Variants in PLCG1 observed in about 807,000 individuals in gnomAD.
PLCG1 encodes phospholipase C gamma 1.
PLCG1 carries 71 observed loss-of-function variants against 177.8 expected under a neutral mutation model. That is an observed-to-expected ratio of 0.40 (90% CI 0.33 to 0.49). The LOEUF (loss-of-function observed/expected upper bound fraction) is 0.49. Among genes scored for constraint, PLCG1 ranks in the 20% least tolerant of loss-of-function variants. PLCG1 has a pLI of 0.72. For synonymous variants in PLCG1, 658 were observed against 647.9 expected (o/e 1.02, Z -0.24); for missense variants, 1,281 against 1,709.0 (o/e 0.75, Z 4.42).
intron 1 of PLCG1, 193 bp downstream of exon 1, chr20:41,138,051 A>T: frequency 2.6e-6 from 1 of 390,822 alleles, no homozygotes; most frequent in Non-Finnish European, 4.5e-6. Context: ...GTCCTCGGTC[A>T]CCTGACAGGA....
Position 41,172,972 on chromosome 20 carries a change from G to C in PLCG1, c.3279+95G>C. ...GTTCTCCAAAAGTAGGTATTTTCAG[G>C]CATCAAGGTGGTCAGGGTGGGTGGG... On this transcript the variant is annotated intron_variant, in intron 27 of 31. Transcript: ENST00000685551. This position sits in a 1 kb window ranked among gnomAD's most constrained non-coding sequence, Gnocchi z 7.0. The C allele has an allele frequency of 7.4e-7, 1 of 1,360,414 alleles. No individual in the cohort carries two copies. Among genetic ancestry groups the C allele is most frequent in the Admixed American group, 2.1e-5 (1 of 48,274 alleles). The allele number at this position is 1,360,414 out of a possible 1,614,324, so 84.3% of individuals were successfully genotyped here. A position where few individuals can be genotyped will look rare whatever the true frequency, so the allele number is the denominator to read the frequency against.
chr20:41,169,262 G>T (rs1006366996), intron 22 of PLCG1, 87 bp downstream of exon 22: 4 of 1,062,908 alleles, frequency 3.8e-6, no homozygotes, highest in Non-Finnish European at 5.8e-6. Flanking sequence ...AAGCACGCAC[G>T]TGCATGCACA....
chr20:41,170,055 T>G, intron 23 of PLCG1, 57 bp from the exon 24 acceptor site: 1 of 1,475,350 alleles, frequency 6.8e-7, no homozygotes, highest in African/African-American at 1.4e-5. Flanking sequence ...CGGTGTGGAG[T>G]GGGGTGGAGG....
At position 41,174,322 on chromosome 20, in the gene PLCG1, T is replaced by C; in HGVS notation, c.3833+11T>C. 1 of 1,612,066 alleles carries C rather than the reference T, an allele frequency of 6.2e-7. No homozygotes were observed. The highest frequency in any genetic ancestry group is 2.2e-5 in the East Asian group (1 of 44,830). ...CAGTCGAGAACGAAGGTGAGGAAGA[T>C]GGAGGGGTGCTAGAGCCAGGAAGGC... On this transcript the variant is annotated intron_variant, in intron 31 of 31. Transcript: ENST00000685551. This position sits in a 1 kb window ranked among gnomAD's most constrained non-coding sequence, Gnocchi z 5.8.
At position 41,146,496 on chromosome 20, in the gene PLCG1, G is replaced by A. The variant is rs542793529; in HGVS notation, c.217+8638G>A. ...GCGCAAGGCAGCAAGGCTTGGGTAC[G>A]GAGGAGAGTGGGTGGTCTTACTGAT... On this transcript the variant is annotated intron_variant, in intron 1 of 31. Transcript: ENST00000685551. This position sits in a 1 kb window ranked among gnomAD's most constrained non-coding sequence, Gnocchi z 6.3. Among the ~76,000 whole-genome samples, 3 of 152,348 alleles carry A rather than the reference G, an allele frequency of 2.0e-5. No homozygotes were observed. Among genetic ancestry groups the A allele is most frequent in the South Asian group, 2.1e-4 (1 of 4,830 alleles).
At position 41,167,893 on chromosome 20, in the gene PLCG1, C is replaced by T. The variant is rs1195829344; in HGVS notation, c.2343C>T (p.Gly781=). 6.2e-7 allele frequency: 1 copy of T among 1,613,896 alleles called. No homozygotes were observed. The highest frequency in any genetic ancestry group is 8.5e-7 in the Non-Finnish European group (1 of 1,179,858). ...CCCTGTATGAGGGACGCAACCCTGG[C>T]TTCTATGTAGAGGCAAACCCTATGC... ...YGALYEGRNP[G]FYVEANPMPT... Residue 781 remains glycine (G), a synonymous_variant, in exon 20 of 32, where the codon GGC becomes GGT. Transcript: ENST00000685551. This position sits in a 1 kb window ranked among gnomAD's most constrained non-coding sequence, Gnocchi z 4.4.
intron 1 of PLCG1, among the ~76,000 whole-genome samples, chr20:41,142,801 T>A (rs1056024783): frequency 2.0e-5 from 3 of 152,168 alleles, no homozygotes; most frequent in African/African-American, 7.2e-5. Flanking sequence ...ATAAAGTGCT[T>A]AGCACCTGTA....
In PLCG1 at chr20:41,162,881, T is replaced by C. The variant is rs2035558624; in HGVS notation, c.682-77T>C. 6.9e-6 allele frequency: 10 copies of C among 1,444,720 alleles called. No individual in the cohort carries two copies. The Admixed American group carries it at 1.7e-4, about 24-fold the overall frequency. 89.5% of individuals were successfully genotyped at this position (1,444,720 alleles called of 1,614,324 possible). A position where few individuals can be genotyped will look rare whatever the true frequency, so the allele number is the denominator to read the frequency against. The stretch of plus-strand genomic sequence containing the variant: ...TGAGGCCTGCCCCCATCTGCTGCTC[T>C]AGCCTGCCTTCTTACTAGCCCATTT... On this transcript the variant is annotated intron_variant, in intron 6 of 31. Transcript: ENST00000685551.
rs1012557767 is a variant in PLCG1, at chr20:41,177,298, G to C, written c.*2789G>C. The C allele has an allele frequency of 1.2e-4, 19 of 152,254 alleles. No individual in the cohort carries two copies. Among genetic ancestry groups the C allele is most frequent in the African/African-American group, 4.3e-4 (18 of 41,478 alleles). 9.4% of individuals were successfully genotyped at this position (152,254 alleles called of 1,614,324 possible). On this transcript the variant is annotated 3_prime_UTR_variant, in exon 32 of 32. Transcript: ENST00000685551. ...ATACAAAGTAGAGCCTACAAGGTCA[G>C]GGGCATTCTGCCCCCGCCACAGGAC...
In PLCG1 at chr20:41,173,828, T is replaced by G; in HGVS notation, c.3556+15T>G. ...CCTGAAGACAGGTGAGGACCATTCC[T>G]GGAGGCAGTGCCCCTGCAATCTTGC... On this transcript the variant is annotated intron_variant, in intron 29 of 31. Coordinates refer to ENST00000685551, the MANE Select transcript of PLCG1 (RefSeq NM_002660.3). The surrounding 1 kb of genome is among the most constrained non-coding windows in gnomAD (Gnocchi z 6.2). The G allele has an allele frequency of 6.2e-7, 1 of 1,612,290 alleles. No homozygotes were observed. Among genetic ancestry groups the G allele is most frequent in the Non-Finnish European group, 8.5e-7 (1 of 1,178,746 alleles).
chr20:41,168,514 G>C (rs979485894), intron 20 of PLCG1, among the ~76,000 whole-genome samples: 5 of 152,254 alleles, frequency 3.3e-5, no homozygotes, highest in African/African-American at 1.2e-4. Flanking sequence ...CCAGGGTGGG[G>C]CTTAAGGTTC....
Position 41,162,528 on chromosome 20 carries a change from C to T in PLCG1, c.589C>T (p.Arg197Trp), listed in dbSNP as rs370628843. Residue 197 changes from arginine (R) to tryptophan (W), a missense_variant, in exon 5 of 32, where the codon CGG becomes TGG. Physicochemically the swap from Arg to Trp is moderately radical, Grantham distance 101. Coordinates refer to ENST00000685551, the MANE Select transcript of PLCG1 (RefSeq NM_002660.3). ...CCCCAACATGCGCTTCCTCCGAGAG[C>T]GGCTGACGGTAAGTGCCACCCAGGG... Reference protein sequence around the residue: ...RVPNMRFLRERLTDLEQRSGD... With the variant: ...RVPNMRFLREWLTDLEQRSGD... 78 of 1,613,636 alleles carry T rather than the reference C, an allele frequency of 4.8e-5. No individual in the cohort carries two copies. Among genetic ancestry groups the T allele is most frequent in the Non-Finnish European group, 6.3e-5 (74 of 1,179,792 alleles).
rs1476191281 is a variant in PLCG1, at chr20:41,146,917, C to G, written c.217+9059C>G. ...CCCTAGGAAGGAGTGAAGGAGAGCT[C>G]CAGTTGGCCATAGGTCCCACAGGTT... On this transcript the variant is annotated intron_variant, in intron 1 of 31. Transcript: ENST00000685551. This position sits in a 1 kb window ranked among gnomAD's most constrained non-coding sequence, Gnocchi z 6.3. Among the ~76,000 whole-genome samples, 1 of 152,092 alleles carries G rather than the reference C, an allele frequency of 6.6e-6. No individual in the cohort carries two copies. The highest frequency in any genetic ancestry group is 1.9e-4 in the East Asian group (1 of 5,186).
In PLCG1 at chr20:41,160,456, G is replaced by A. The variant is rs1312393297; in HGVS notation, c.512+303G>A. Among the ~76,000 whole-genome samples, 1 of 152,208 alleles carries A rather than the reference G, an allele frequency of 6.6e-6. No homozygotes were observed. Among genetic ancestry groups the A allele is most frequent in the Non-Finnish European group, 1.5e-5 (1 of 68,032 alleles). On this transcript the variant is annotated intron_variant, in intron 4 of 31. Coordinates refer to ENST00000685551, the MANE Select transcript of PLCG1 (RefSeq NM_002660.3). This position sits in a 1 kb window ranked among gnomAD's most constrained non-coding sequence, Gnocchi z 5.5. ...GAGGGTGGCCAGTAGCGTGTGAAGG[G>A]TGCCCTGAAACTCTGGCTCTGAGAC... is the stretch of plus-strand genomic sequence containing the variant.
rs2035841029 is a variant in PLCG1, at chr20:41,170,026, T to G, written c.2651-86T>G. The G allele has an allele frequency of 3.3e-6, 4 of 1,222,850 alleles. No individual in the cohort carries two copies. In the South Asian group the frequency reaches 5.6e-5, roughly 17 times the overall value. 75.7% of individuals were successfully genotyped at this position (1,222,850 alleles called of 1,614,324 possible). On this transcript the variant is annotated intron_variant, in intron 23 of 31. Coordinates refer to ENST00000685551, the MANE Select transcript of PLCG1 (RefSeq NM_002660.3). ...AGGAGGAAATGGGATGAGATAGAAC[T>G]CATTTGAGCCAGTGCCTGCGGTGTG...
At chr20:41,170,441 T>C in intron 24 of PLCG1, 172 bp downstream of exon 24, 1 of 639,374 alleles carries the variant, frequency 1.6e-6, no homozygotes, top group Non-Finnish European at 2.7e-6. Flanking sequence ...ACACATAAGA[T>C]GCAATGTGGT....
rs2146044130 is a variant in PLCG1, at chr20:41,165,696, G to A, written c.1669G>A (p.Ala557Thr). Reference sequence around the variant, plus strand: ...GAAGTGGTTCCATGGGAAGCTAGGGGCAGGGCGTGACGGGCGTCACATCGC... The same window carrying A: ...GAAGTGGTTCCATGGGAAGCTAGGGACAGGGCGTGACGGGCGTCACATCGC... ...NEKWFHGKLGAGRDGRHIAER... is the reference protein window; with the variant it reads ...NEKWFHGKLGTGRDGRHIAER... The change falls in exon 16 of 32, where the codon GCA becomes ACA. Residue 557 changes from alanine (A) to threonine (T), a missense_variant. Ala to Thr is a moderately conservative substitution (Grantham distance 58). This residue lies in a region of PLCG1 where 723 missense variants were observed against 1,030.0 expected (regional missense o/e 0.70). Coordinates refer to ENST00000685551, the MANE Select transcript of PLCG1 (RefSeq NM_002660.3). The surrounding 1 kb of genome is among the most constrained non-coding windows in gnomAD (Gnocchi z 6.6). 2 of 1,613,992 alleles carry A rather than the reference G, an allele frequency of 1.2e-6. No individual in the cohort carries two copies. The highest frequency in any genetic ancestry group is 1.7e-6 in the Non-Finnish European group (2 of 1,179,948).
intron 1 of PLCG1, among the ~76,000 whole-genome samples, chr20:41,138,899 C>G (rs574323506): frequency 1.6e-4 from 25 of 152,252 alleles, no homozygotes; most frequent in Admixed American, 1.3e-3. Flanking sequence ...CCCTCCATTC[C>G]CCCGCCTCTC....
chr20:41,153,663 G>A lies in PLCG1; in HGVS notation c.218-5943G>A, dbSNP rs879710984. On this transcript the variant is annotated intron_variant, in intron 1 of 31. Coordinates refer to ENST00000685551, the MANE Select transcript of PLCG1 (RefSeq NM_002660.3). The surrounding 1 kb of genome is among the most constrained non-coding windows in gnomAD (Gnocchi z 5.1). The stretch of plus-strand genomic sequence containing the variant: ...TCTAATCCCAGCACTTTGGGAGGCC[G>A]AGGCAGGCGAATCACTGGAGGTCAG... 6.6e-6 allele frequency among the ~76,000 whole-genome samples: 1 copy of A among 152,172 alleles called. No homozygotes were observed. Among genetic ancestry groups the A allele is most frequent in the African/African-American group, 2.4e-5 (1 of 41,434 alleles).
Sources: allele counts gnomAD v4.1 joint callset (sites outside exome capture counted in the v4.1 genomes callset), GRCh38; gene constraint gnomAD v4.1.1; regional missense constraint gnomAD v4.1.1; non-coding constraint Gnocchi (gnomAD v3.1); transcripts MANE v1.5; gene names NCBI Gene and HGNC (gene_info 2026-07-23, HGNC 2026-07-21).